The following PHKB variants were observed in gnomAD, a reference collection of about 807,000 sequenced individuals.
PHKB encodes phosphorylase b kinase regulatory subunit beta.
Under a neutral mutation model 152.1 loss-of-function variants are expected in PHKB, and 122 were observed. The ratio of observed to expected loss-of-function variants is 0.80; its 90% CI spans 0.69 to 0.93. The LOEUF (loss-of-function observed/expected upper bound fraction) is 0.93. Among genes scored for constraint, PHKB ranks in the 40% least tolerant of loss-of-function variants. PHKB has a pLI of 0.00. For missense variants in PHKB, 1,304 were observed against 1,328.4 expected, an observed-to-expected ratio of 0.98 and a Z score of 0.29; for synonymous variants, 436 against 464.9, an observed-to-expected ratio of 0.94 and a Z score of 0.80.
At chr16:47,653,338 G>GA (rs1597152834) in intron 20 of PHKB, among the ~76,000 whole-genome samples, 1 of 152,084 alleles carries the variant, frequency 6.6e-6, no homozygotes, top group East Asian at 1.9e-4. Context: ...TTTAACCAGA[G>GA]AAAAAGCCTT....
chr16:47,598,707 T>C (rs1972166516), intron 13 of PHKB: 2 of 1,567,226 alleles, frequency 1.3e-6, no homozygotes, highest in Non-Finnish European at 1.8e-6. Flanking sequence ...ATGGCGCCCA[T>C]GGTTTCCACT....
intron 26 of PHKB, among the ~76,000 whole-genome samples, chr16:47,684,923 G>A (rs1262704601): frequency 6.6e-6 from 1 of 152,176 alleles, no homozygotes; most frequent in Non-Finnish European, 1.5e-5. Flanking sequence ...GGTTGATTTG[G>A]TCAGTCGTGT....
chr16:47,524,640 G>C (rs574606903), intron 6 of PHKB, among the ~76,000 whole-genome samples: 2 of 152,146 alleles, frequency 1.3e-5, no homozygotes, highest in Non-Finnish European at 2.9e-5. Context: ...GTGGTGGTGC[G>C]TGCCTTTTTC....
At chr16:47,661,843 T>C in intron 23 of PHKB, 43 bp downstream of exon 23, 2 of 1,218,896 alleles carry the variant, frequency 1.6e-6, no homozygotes, top group South Asian at 1.2e-5. Flanking sequence ...AGGACCTCTC[T>C]AGCCTTGAAC....
At chr16:47,487,015 G>T (rs898652388) in intron 1 of PHKB, among the ~76,000 whole-genome samples, 18 of 152,188 alleles carry the variant, frequency 1.2e-4, no homozygotes, top group Non-Finnish European at 1.9e-4. Flanking sequence ...ACCTCAAGTT[G>T]CTCAGTTCCC....
rs534886678 is a variant in PHKB, at chr16:47,480,574, A to C, written c.77-16825A>C. On this transcript the variant is annotated intron_variant, in intron 1 of 30. Transcript: ENST00000323584. ...CAAACAGTCTTCAAACTAACTACAA[A>C]AAACTGACAAGTTCAAGGCTGATTT... Among the ~76,000 whole-genome samples the C allele has an allele frequency of 3.9e-5, 6 of 152,308 alleles. No homozygotes were observed. In the South Asian group the frequency reaches 1.0e-3, roughly 26 times the overall value.
intron 7 of PHKB, among the ~76,000 whole-genome samples, chr16:47,555,936 C>A (rs960471231): frequency 6.6e-5 from 10 of 152,146 alleles, no homozygotes; most frequent in Non-Finnish European, 8.8e-5. Context: ...TTCTTTGTAT[C>A]CTCTTTTATT....
chr16:47,633,488 A>G (rs532346521), intron 14 of PHKB, among the ~76,000 whole-genome samples: 1 of 152,312 alleles, frequency 6.6e-6, no homozygotes, highest in South Asian at 2.1e-4. Context: ...GCATGGCATG[A>G]GGTGATCCAA....
chr16:47,483,636 C>A (rs535633212), intron 1 of PHKB, among the ~76,000 whole-genome samples: 1 of 152,206 alleles, frequency 6.6e-6, no homozygotes, highest in Non-Finnish European at 1.5e-5. Context: ...CTTTTTATAT[C>A]ATTCCCATCT....
intron 13 of PHKB, among the ~76,000 whole-genome samples, chr16:47,602,376 A>G (rs1972243854): frequency 6.6e-6 from 1 of 152,180 alleles, no homozygotes; most frequent in Admixed American, 6.5e-5. Flanking sequence ...TTGGGTTCCC[A>G]AAGTTCTTTG....
intron 14 of PHKB, among the ~76,000 whole-genome samples, chr16:47,639,119 T>C (rs549853300): frequency 6.6e-6 from 1 of 151,928 alleles, no homozygotes; most frequent in South Asian, 2.1e-4. Flanking sequence ...ACAAAAAATA[T>C]AAAAATTAGC....
chr16:47,461,330 C>G (rs779145834), upstream of PHKB: 6 of 1,593,492 alleles, frequency 3.8e-6, no homozygotes, highest in African/African-American at 8.0e-5. Flanking sequence ...GGGCGGTGGC[C>G]AAGGCGGCGA....
At chr16:47,596,328 A>T in intron 12 of PHKB, 45 bp from the exon 13 acceptor site, 1 of 1,341,716 alleles carries the variant, frequency 7.5e-7, no homozygotes, top group Non-Finnish European at 1.1e-6. Flanking sequence ...GAATGGACTA[A>T]TACAGATTTG....
intron 13 of PHKB, among the ~76,000 whole-genome samples, chr16:47,599,697 T>G (rs1466984135): frequency 7.9e-5 from 12 of 152,340 alleles, no homozygotes; most frequent in Non-Finnish European, 2.9e-5. Context: ...CTGCTGATCT[T>G]CTGAAAAGGC....
chr16:47,660,441 C>T, intron 20 of PHKB, 65 bp from the exon 21 acceptor site: 1 of 1,260,144 alleles, frequency 7.9e-7, no homozygotes, highest in Non-Finnish European at 1.2e-6. Context: ...AAGGTATGCA[C>T]ACAGGCCATT....
At chr16:47,668,047 C>T (rs1287820348) in intron 25 of PHKB, among the ~76,000 whole-genome samples, 1 of 152,172 alleles carries the variant, frequency 6.6e-6, no homozygotes, top group Non-Finnish European at 1.5e-5. Context: ...CCGCATCTTA[C>T]CTCTTTACAA....
intron 1 of PHKB, among the ~76,000 whole-genome samples, chr16:47,487,675 T>A (rs1251644863): frequency 2.0e-5 from 3 of 152,224 alleles, no homozygotes; most frequent in African/African-American, 7.2e-5. Flanking sequence ...AACTTCCACT[T>A]ATAAACAAGC....
intron 6 of PHKB, among the ~76,000 whole-genome samples, chr16:47,519,761 G>T (rs925402662): frequency 1.3e-5 from 2 of 152,166 alleles, no homozygotes; most frequent in African/African-American, 4.8e-5. Context: ...TAGATACTAG[G>T]AGTTACGTAT....
chr16:47,633,354 C>T (rs927412677), intron 14 of PHKB, among the ~76,000 whole-genome samples: 27 of 152,096 alleles, frequency 1.8e-4, no homozygotes, highest in African/African-American at 6.5e-4. Flanking sequence ...AAATGAATAA[C>T]AATTGCTTTT....
Sources: gnomAD v4.1 joint callset for allele counts (sites outside exome capture counted in the v4.1 genomes callset) on GRCh38, gnomAD v4.1.1 for gene constraint, MANE v1.5 for transcripts, NCBI Gene and HGNC (gene_info 2026-07-23, HGNC 2026-07-21) for gene names.